Variants in PARP10 observed in about 807,000 individuals in gnomAD.
PARP10 encodes the protein protein mono-ADP-ribosyltransferase PARP10.
A neutral mutation model predicts 82.4 loss-of-function variants in PARP10; 56 were observed. The observed-to-expected ratio is 0.68, with a 90% CI of 0.55 to 0.85. The LOEUF (loss-of-function observed/expected upper bound fraction) is 0.85, where lower values mean the gene tolerates loss of function less well. Ranked by LOEUF, PARP10 falls within the 40% of genes least tolerant of loss-of-function variation. The probability of loss-of-function intolerance (pLI) is 0.00; values close to 1 mark genes in which losing one functional copy is unlikely to be tolerated. For missense variants in PARP10, 1,227 were observed against 1,379.4 expected, an observed-to-expected ratio of 0.89 and a Z score of 1.75; for synonymous variants, 576 against 601.1, an observed-to-expected ratio of 0.96 and a Z score of 0.61.
At chr8:144,004,261 A>T (rs868996328) in intron 1 of PARP10, among the ~76,000 whole-genome samples, 2 of 152,198 alleles carry the variant, frequency 1.3e-5, no homozygotes, top group East Asian at 3.8e-4. Flanking sequence ...TGTCTCAGAA[A>T]AAAAAAGAAG....
At chr8:143,994,510 C>T (rs1255666999), upstream of PARP10, among the ~76,000 whole-genome samples, 2 of 152,226 alleles carry the variant, frequency 1.3e-5, no homozygotes, top group Admixed American at 6.5e-5. Flanking sequence ...GCCTGGTACG[C>T]GGGCCCTGCC....
Position 143,985,517 on chromosome 8 carries a change from C to G in PARP10, c.568G>C (p.Glu190Gln). 2 of 1,614,040 alleles carry G rather than the reference C, an allele frequency of 1.2e-6. No homozygotes were observed. The highest frequency in any genetic ancestry group is 1.7e-6 in the Non-Finnish European group (2 of 1,179,976). ...CGGCGCTCATTCTCCAGGTACAACT[C>G]CAGCAACAGCAGGTCCACAGAGGCA... ...DGASVDLLLL[E>Q]LYLENERRSG... is the part of the protein sequence containing the mutation. The change falls in exon 4 of 11, where the codon GAG (glutamate) becomes CAG (glutamine). Residue 190 changes from glutamate to glutamine, a missense_variant. Glu to Gln is a conservative substitution (Grantham distance 29). Coordinates refer to ENST00000313028, the MANE Select transcript of PARP10 (RefSeq NM_032789.5).
rs372169959 is a variant in PARP10, at chr8:143,983,605, G to A, written c.1984C>T (p.Arg662Trp). ...ACCTGACCTTGAGGCTCCAGTGACC[G>A]GTGGAGGGCCAGCTGCAGAGCGGCC... ...EEAALQLALHRSLEPQGQVAE... is the reference protein window; with the variant it reads ...EEAALQLALHWSLEPQGQVAE... Residue 662 changes from arginine (R) to tryptophan (W), a missense_variant, in exon 8 of 11, where the codon CGG (arginine) becomes TGG (tryptophan). Transcript: ENST00000313028. 19 of 1,604,328 alleles carry A rather than the reference G, an allele frequency of 1.2e-5. No homozygotes were observed. Among genetic ancestry groups the A allele is most frequent in the East Asian group, 2.2e-5 (1 of 44,538 alleles).
At chr8:144,001,116 G>A (rs926233547) in intron 1 of PARP10, among the ~76,000 whole-genome samples, 5 of 151,708 alleles carry the variant, frequency 3.3e-5, no homozygotes, top group East Asian at 3.9e-4. Context: ...AGGTTTCACC[G>A]TGTTAGCCAG....
upstream of PARP10, among the ~76,000 whole-genome samples, chr8:143,994,520 C>T (rs969402261): frequency 2.0e-5 from 3 of 152,234 alleles, no homozygotes; most frequent in Non-Finnish European, 4.4e-5. Context: ...CGGGCCCTGC[C>T]ATCTGCCCAC....
chr8:143,990,564 C>T (rs1834073609), upstream of PARP10: 1 of 151,410 alleles, frequency 6.6e-6, no homozygotes, highest in Non-Finnish European at 1.5e-5. The surrounding 1 kb of genome is among the most constrained non-coding windows in gnomAD (Gnocchi z 5.6). Flanking sequence ...GTGGTCGCTT[C>T]CATCCCCCAC....
chr8:143,990,328 G>A (rs1554750253), upstream of PARP10: 2 of 150,442 alleles, frequency 1.3e-5, no homozygotes, highest in Non-Finnish European at 3.0e-5. This position sits in a 1 kb window ranked among gnomAD's most constrained non-coding sequence, Gnocchi z 5.6. Flanking sequence ...AAGTTGGTCC[G>A]GCCGGGGCGC....
At chr8:143,992,032 G>C, upstream of PARP10, 1 of 1,613,972 alleles carries the variant, frequency 6.2e-7, no homozygotes, top group Non-Finnish European at 8.5e-7. Context: ...GTCCTCAGCT[G>C]TTGTGGGGAC....
upstream of PARP10, chr8:143,991,635 G>A (rs367779405): frequency 1.6e-5 from 25 of 1,592,480 alleles, no homozygotes; most frequent in South Asian, 1.5e-4. Flanking sequence ...TGGGGTGGCC[G>A]GGAGGGCAGG....
intron 1 of PARP10, among the ~76,000 whole-genome samples, chr8:144,007,164 C>T (rs1180751825): frequency 1.3e-5 from 2 of 152,232 alleles, no homozygotes; most frequent in African/African-American, 4.8e-5. Context: ...AGTCCCTAAG[C>T]CTTTCATGAG....
chr8:143,983,276 G>A lies in PARP10; in HGVS notation c.2313C>T (p.Leu771=). 1 of 1,613,008 alleles carries A rather than the reference G, an allele frequency of 6.2e-7. No homozygotes were observed. The highest frequency in any genetic ancestry group is 8.5e-7 in the Non-Finnish European group (1 of 1,179,790). ...GGGCAGGGTGGGCCCCGAAGCCACG[G>A]AGGATGGTGCAGTCACCACGCAGGG... is the stretch of plus-strand genomic sequence containing the variant. ...SVALRGDCTI[L]RGFGAHPARA... The change falls in exon 8 of 11, where the codon CTC becomes CTT. Residue 771 remains leucine (L), a synonymous_variant. Transcript: ENST00000313028.
upstream of PARP10, among the ~76,000 whole-genome samples, chr8:143,994,676 G>T (rs1170242456): frequency 5.9e-5 from 9 of 152,164 alleles, no homozygotes; most frequent in Non-Finnish European, 1.0e-4. Context: ...GACACACACT[G>T]CCTTCCCAGC....
chr8:143,991,539 C>T (rs1363007535), upstream of PARP10: 1 of 1,541,946 alleles, frequency 6.5e-7, no homozygotes, highest in Non-Finnish European at 8.9e-7. Context: ...GCCATATCCC[C>T]AGAGCCCCTT....
chr8:143,998,993 C>CTGCT, intron 1 of PARP10, among the ~76,000 whole-genome samples: 1 of 146,566 alleles, frequency 6.8e-6, no homozygotes, highest in African/African-American at 2.5e-5. Flanking sequence ...TTAATTCTTT[C>CTGCT]TCCTTCCTTC....
chr8:144,003,428 C>CAAA (rs782496305), intron 1 of PARP10, among the ~76,000 whole-genome samples: 3 of 56,052 alleles, frequency 5.4e-5, no homozygotes, highest in African/African-American at 1.1e-4. Flanking sequence ...AACTCTGTCT[C>CAAA]AAAAAAAAAA....
At chr8:143,999,652 CTT>C (rs11291116) in intron 1 of PARP10, among the ~76,000 whole-genome samples, 49 of 144,618 alleles carry the variant, frequency 3.4e-4, no homozygotes, top group Non-Finnish European at 3.9e-4. Context: ...AATTGAGCTT[CTT>C]TTTTTTTTTT....
chr8:143,982,128 G>T (rs535157969), intron 9 of PARP10, among the ~76,000 whole-genome samples: 17 of 152,252 alleles, frequency 1.1e-4, no homozygotes, highest in Admixed American at 1.0e-3. Flanking sequence ...CTGGTGGAGG[G>T]TGATGCTGCT....
upstream of PARP10, chr8:143,992,829 C>T (rs139058041): frequency 2.7e-5 from 43 of 1,613,286 alleles, no homozygotes; most frequent in Non-Finnish European, 3.1e-5. Flanking sequence ...TCATTGGCCG[C>T]GCCAAGGAGT....
At chr8:144,003,221 G>A (rs140553116) in intron 1 of PARP10, among the ~76,000 whole-genome samples, 1 of 151,988 alleles carries the variant, frequency 6.6e-6, no homozygotes, top group Non-Finnish European at 1.5e-5. Context: ...TCAGGAGTTT[G>A]AGATCAGCCT....
Sources: allele counts gnomAD v4.1 joint callset (sites outside exome capture counted in the v4.1 genomes callset), GRCh38; gene constraint gnomAD v4.1.1; non-coding constraint Gnocchi (gnomAD v3.1); transcripts MANE v1.5; gene names NCBI Gene and HGNC (gene_info 2026-07-23, HGNC 2026-07-21).